GPR108: variants seen among roughly 807,000 people sequenced by gnomAD.
GPR108 encodes protein GPR108.
GPR108 carries 60 observed loss-of-function variants against 74.3 expected under a neutral mutation model. The observed-to-expected ratio is 0.81, with a 90% CI of 0.66 to 1.00. The LOEUF (loss-of-function observed/expected upper bound fraction) is 1.00, where lower values mean the gene tolerates loss of function less well. Among genes scored for constraint, GPR108 ranks in the 50% least tolerant of loss-of-function variants. GPR108 has a pLI of 0.00. For missense variants in GPR108, 667 were observed against 703.3 expected, an observed-to-expected ratio of 0.95 and a Z score of 0.58; for synonymous variants, 311 against 292.4, an observed-to-expected ratio of 1.06 and a Z score of -0.65.
rs768127276 is a variant in GPR108, at chr19:6,732,463, G to A, written c.1007+13C>T. On this transcript the variant is annotated intron_variant, in intron 11 of 17. Coordinates refer to ENST00000264080, the MANE Select transcript of GPR108 (RefSeq NM_001080452.2). ...CCTCCCCCCAGCTGCCCAGCAGAGT[G>A]GGGGACACTCACAGGTGTGCGATGT... is the stretch of plus-strand genomic sequence containing the variant. The A allele has an allele frequency of 1.4e-5, 22 of 1,613,362 alleles. No individual in the cohort carries two copies. Among genetic ancestry groups the A allele is most frequent in the South Asian group, 3.3e-5 (3 of 91,080 alleles).
intron 15 of GPR108, 53 bp downstream of exon 15, chr19:6,731,420 T>C: frequency 6.7e-7 from 1 of 1,503,714 alleles, no homozygotes; most frequent in Non-Finnish European, 8.9e-7. Context: ...GGGGTGGGCG[T>C]GCAGCAGGCC....
At chr19:6,735,469 T>C (rs1199267124) in intron 4 of GPR108, 153 bp downstream of exon 4, 42 of 668,314 alleles carry the variant, frequency 6.3e-5, no homozygotes, top group Non-Finnish European at 1.1e-4. Context: ...CTCTCCTTCC[T>C]TCCAACAATC....
intron 4 of GPR108, among the ~76,000 whole-genome samples, chr19:6,735,143 C>T (rs768589274): frequency 1.4e-4 from 22 of 152,186 alleles, no homozygotes; most frequent in Non-Finnish European, 2.1e-4. Flanking sequence ...CCTTTTGCCT[C>T]GGCCTCCCAA....
Position 6,731,875 on chromosome 19 carries a change from A to G in GPR108, c.1300+16T>C. The G allele has an allele frequency of 6.2e-7, 1 of 1,610,956 alleles. No homozygotes were observed. ...ATGGGGCCATGAGCAGAGGGCCTGC[A>G]GGCGCAGGGCCTCACCCTTCCCGTC... On this transcript the variant is annotated intron_variant, in intron 14 of 17. Coordinates refer to ENST00000264080, the MANE Select transcript of GPR108 (RefSeq NM_001080452.2).
At chr19:6,730,908 T>TC in intron 17 of GPR108, 79 bp downstream of exon 17, 13 of 261,864 alleles carry the variant, frequency 5.0e-5, no homozygotes, top group South Asian at 1.7e-4. Context: ...CCCTCCCCCC[T>TC]GCCCACCCTG....
intron 8 of GPR108, 123 bp from the exon 9 acceptor site, chr19:6,733,424 C>A (rs1968503510): frequency 7.8e-7 from 1 of 1,287,072 alleles, no homozygotes; most frequent in African/African-American, 1.5e-5. Context: ...CTCTGAGCCT[C>A]AGTTGGCCCC....
intron 17 of GPR108, 74 bp downstream of exon 17, chr19:6,730,905 CCCTGCCCA>C: frequency 3.0e-6 from 3 of 993,792 alleles, no homozygotes; most frequent in African/African-American, 1.6e-5. Flanking sequence ...AGTCCCTCCC[CCCTGCCCA>C]CCCTGCCCGT....
intron 1 of GPR108, chr19:6,737,185 C>A: frequency 2.0e-6 from 1 of 494,338 alleles, no homozygotes; most frequent in Non-Finnish European, 3.6e-6. Context: ...GGACTAAGAC[C>A]CAGTTGGGGG....
chr19:6,731,680 G>A (rs879737405), intron 14 of GPR108, among the ~76,000 whole-genome samples, 158 bp from the exon 15 acceptor site: 3 of 151,944 alleles, frequency 2.0e-5, no homozygotes, highest in Non-Finnish European at 4.4e-5. Context: ...AGGCGGAAGG[G>A]GGAGATCAGA....
At chr19:6,736,812 C>A (rs748363954) in intron 1 of GPR108, 101 bp from the exon 2 acceptor site, 1 of 1,532,584 alleles carries the variant, frequency 6.5e-7, no homozygotes, top group Middle Eastern at 1.8e-4. Flanking sequence ...CCTGGTACCC[C>A]TCTATTTAGG....
Position 6,733,584 on chromosome 19 carries a change from G to A in GPR108, c.709C>T (p.Pro237Ser). Residue 237 changes from proline (P) to serine (S), a missense_variant, in exon 8 of 18, where the codon CCA becomes TCA. Coordinates refer to ENST00000264080, the MANE Select transcript of GPR108 (RefSeq NM_001080452.2). The stretch of plus-strand genomic sequence containing the variant: ...ACTCCGCTCACCGTGATGTCGAATG[G>A]ATGCTCCTTTCCTGGCACTGAATTG... ...CNNSVPGKEHPFDITVMIREK... is the reference protein window; with the variant it reads ...CNNSVPGKEHSFDITVMIREK... 6.2e-7 allele frequency: 1 copy of A among 1,614,098 alleles called. No individual in the cohort carries two copies. The highest frequency in any genetic ancestry group is 8.5e-7 in the Non-Finnish European group (1 of 1,179,922).
Position 6,732,155 on chromosome 19 carries a change from C to A in GPR108, c.1126G>T (p.Val376Phe), listed in dbSNP as rs1166354987. The change falls in exon 13 of 18, where the codon GTC becomes TTC. Residue 376 changes from valine (V) to phenylalanine (F), a missense_variant and splice_region_variant. Coordinates refer to ENST00000264080, the MANE Select transcript of GPR108 (RefSeq NM_001080452.2). ...KVFGIVIPMQ[V>F]LANVAYIIIE... ...ATGATGTAGGCCACGTTGGCCAGGA[C>A]CTGCGCAGGCGGCGGGGGTGGGTGG... 4 of 1,613,544 alleles carry A rather than the reference C, an allele frequency of 2.5e-6. No individual in the cohort carries two copies. Among genetic ancestry groups the A allele is most frequent in the Non-Finnish European group, 3.4e-6 (4 of 1,179,982 alleles).
At chr19:6,730,790 A>G (rs982061706) in intron 17 of GPR108, among the ~76,000 whole-genome samples, 197 bp downstream of exon 17, 4 of 130,612 alleles carry the variant, frequency 3.1e-5, no homozygotes, top group Non-Finnish European at 6.2e-5. Flanking sequence ...GGTACTCCAC[A>G]GCTGTCCGGT....
intron 17 of GPR108, chr19:6,730,623 C>T (rs1422740793): frequency 1.0e-5 from 6 of 582,562 alleles, no homozygotes; most frequent in African/African-American, 1.9e-5. Flanking sequence ...CCCACTCTAC[C>T]CGTAACCACT....
At position 6,730,109 on chromosome 19, in the gene GPR108, CG is replaced by C; in HGVS notation, c.*202del. On this transcript the variant is annotated 3_prime_UTR_variant, in exon 18 of 18. Transcript: ENST00000264080. ...CATAGCTGGAAGGGAGGGGTGGTCCCGGGGTAAGGACAGGGCTGCCCAATAT... is the reference window on the plus strand; with the variant it reads ...CATAGCTGGAAGGGAGGGGTGGTCCCGGGTAAGGACAGGGCTGCCCAATAT... 1 of 594,844 alleles carries C rather than the reference CG, an allele frequency of 1.7e-6. No individual in the cohort carries two copies. The highest frequency in any genetic ancestry group is 3.0e-6 in the Non-Finnish European group (1 of 328,138). 36.8% of individuals were successfully genotyped at this position (594,844 alleles called of 1,614,324 possible). A position where few individuals can be genotyped will look rare whatever the true frequency, so the allele number is the denominator to read the frequency against.
chr19:6,734,215 G>A lies in GPR108; in HGVS notation c.467C>T (p.Pro156Leu), dbSNP rs1468858679. The A allele has an allele frequency of 6.2e-7, 1 of 1,614,088 alleles. No homozygotes were observed. Among genetic ancestry groups the A allele is most frequent in the African/African-American group, 1.3e-5 (1 of 74,934 alleles). Residue 156 changes from proline to leucine, a missense_variant, in exon 5 of 18, where the codon CCA becomes CTA. Physicochemically the swap from Pro to Leu is moderately conservative, Grantham distance 98. Transcript: ENST00000264080. The stretch of plus-strand genomic sequence containing the variant: ...CACCTTGCGGGGGACTGTGGCCTGT[G>A]GCTTCGGGAGCCCTGGTTTGGAGGG... ...EAPSKPGLPK[P>L]QATVPRKVDG... is the part of the protein sequence containing the mutation.
intron 1 of GPR108, chr19:6,737,230 G>A: frequency 1.8e-6 from 1 of 543,486 alleles, no homozygotes; most frequent in South Asian, 2.3e-5. Context: ...ATGGAGCCTC[G>A]CCCCCGAAGG....
chr19:6,730,920 C>T, intron 17 of GPR108, 67 bp downstream of exon 17: 2 of 1,451,964 alleles, frequency 1.4e-6, no homozygotes. Context: ...CCCACCCTGC[C>T]CGTAGAGCTG....
intron 4 of GPR108, among the ~76,000 whole-genome samples, chr19:6,734,534 A>C (rs1245749318): frequency 6.6e-6 from 1 of 152,104 alleles, no homozygotes; most frequent in Non-Finnish European, 1.5e-5. Context: ...CCATGACATC[A>C]ATCTACTCTT....
Sources: gnomAD v4.1 joint callset for allele counts (sites outside exome capture counted in the v4.1 genomes callset) on GRCh38, gnomAD v4.1.1 for gene constraint, MANE v1.5 for transcripts, NCBI Gene and HGNC (gene_info 2026-07-23, HGNC 2026-07-21) for gene names.